LPP: variants seen among roughly 807,000 people sequenced by gnomAD.
LPP encodes the protein lipoma-preferred partner.
LPP carries 38 observed loss-of-function variants against 60.4 expected under a neutral mutation model. The observed-to-expected ratio is 0.63, with a 90% CI of 0.49 to 0.83. The LOEUF is 0.83. Ranked by LOEUF, LPP falls within the 40% of genes least tolerant of loss-of-function variation. The probability of loss-of-function intolerance (pLI) is 0.00; values close to 1 mark genes in which losing one functional copy is unlikely to be tolerated. For synonymous variants in LPP, 328 were observed against 290.8 expected (o/e 1.13, Z -1.30); for missense variants, 902 against 783.6 (o/e 1.15, Z -1.80).
At chr3:188,855,966 G>A (rs998660177) in intron 9 of LPP, among the ~76,000 whole-genome samples, 1 of 152,142 alleles carries the variant, frequency 6.6e-6, no homozygotes, top group African/African-American at 2.4e-5. Flanking sequence ...GCTGGGGTTG[G>A]TTAGCACTGT....
chr3:188,858,172 C>T (rs1336377420), intron 9 of LPP, among the ~76,000 whole-genome samples: 1 of 152,182 alleles, frequency 6.6e-6, no homozygotes, highest in East Asian at 1.9e-4. Flanking sequence ...AATAAATCTT[C>T]ACATGACTTA....
intron 4 of LPP, among the ~76,000 whole-genome samples, chr3:188,411,710 A>C (rs1784918753): frequency 1.3e-5 from 2 of 152,296 alleles, no homozygotes; most frequent in South Asian, 4.1e-4. Flanking sequence ...AACAAACAAC[A>C]ACCACCCCAC....
In LPP at chr3:188,802,626, T is replaced by C. The variant is rs917293803; in HGVS notation, c.1410+42344T>C. ...GGTGAAACCCCGTCACTACTAAAAATACAAAAATTAGCTGGGTGTGGTGGC... is the reference window on the plus strand; with the variant it reads ...GGTGAAACCCCGTCACTACTAAAAACACAAAAATTAGCTGGGTGTGGTGGC... On this transcript the variant is annotated intron_variant, in intron 9 of 11. Coordinates refer to ENST00000617246, the MANE Select transcript of LPP (RefSeq NM_001375462.1). 5.3e-5 allele frequency among the ~76,000 whole-genome samples: 8 copies of C among 152,056 alleles called. No homozygotes were observed. In the South Asian group the frequency reaches 1.7e-3, roughly 32 times the overall value.
At chr3:188,462,299 G>T (rs1367745884) in intron 4 of LPP, among the ~76,000 whole-genome samples, 1 of 151,300 alleles carries the variant, frequency 6.6e-6, no homozygotes, top group African/African-American at 2.4e-5. Flanking sequence ...ACTAACTAAT[G>T]TAGCTAATGA....
intron 3 of LPP, among the ~76,000 whole-genome samples, chr3:188,372,256 T>C (rs1245726744): frequency 6.6e-6 from 1 of 152,152 alleles, no homozygotes; most frequent in Non-Finnish European, 1.5e-5. Context: ...CGTAGTATCA[T>C]GACCCTTTTT....
intron 5 of LPP, among the ~76,000 whole-genome samples, chr3:188,518,108 C>G (rs115037429): frequency 0.011 from 1,614 of 152,232 alleles, 11 homozygotes; most frequent in Non-Finnish European, 0.018. Flanking sequence ...GAACCATGAG[C>G]CAAATAAACC....
intron 6 of LPP, among the ~76,000 whole-genome samples, chr3:188,531,559 A>G: frequency 6.6e-6 from 1 of 152,132 alleles, no homozygotes; most frequent in Non-Finnish European, 1.5e-5. Context: ...TGAATGAATA[A>G]CAAATCATGC....
intron 4 of LPP, among the ~76,000 whole-genome samples, chr3:188,434,362 CT>C (rs1791782605): frequency 2.0e-5 from 3 of 151,804 alleles, no homozygotes; most frequent in Admixed American, 2.0e-4. Flanking sequence ...CTAATGTTTT[CT>C]ATTCAATTTC....
chr3:188,331,442 G>A (rs947132692), intron 2 of LPP, among the ~76,000 whole-genome samples: 2 of 152,080 alleles, frequency 1.3e-5, no homozygotes, highest in Non-Finnish European at 2.9e-5. Flanking sequence ...CATGTTTAAT[G>A]TTTTCCCTTG....
At chr3:188,646,047 C>T (rs1222810356) in intron 7 of LPP, among the ~76,000 whole-genome samples, 1 of 151,990 alleles carries the variant, frequency 6.6e-6, no homozygotes, top group Non-Finnish European at 1.5e-5. Context: ...AGATTTCTTC[C>T]GATTTTGACA....
intron 9 of LPP, among the ~76,000 whole-genome samples, chr3:188,801,685 C>T (rs1288802521): frequency 1.3e-5 from 2 of 152,174 alleles, no homozygotes; most frequent in Non-Finnish European, 2.9e-5. Flanking sequence ...GTACAGTGCA[C>T]TTTTCCCCAC....
chr3:188,516,124 T>C (rs2150086199), intron 5 of LPP, among the ~76,000 whole-genome samples: 2 of 152,292 alleles, frequency 1.3e-5, no homozygotes, highest in South Asian at 4.1e-4. Context: ...AGTGGGTTAT[T>C]TGTAAGTCCT....
chr3:188,188,901 A>G (rs895813265), intron 1 of LPP, among the ~76,000 whole-genome samples: 4 of 152,138 alleles, frequency 2.6e-5, no homozygotes, highest in African/African-American at 9.7e-5. Context: ...AAGCTTAACA[A>G]TTCATAGATG....
At chr3:188,728,050 G>A (rs891701032) in intron 8 of LPP, among the ~76,000 whole-genome samples, 4 of 152,074 alleles carry the variant, frequency 2.6e-5, no homozygotes, top group Non-Finnish European at 5.9e-5. Flanking sequence ...TTGGTTCTCA[G>A]CATAAAGACT....
chr3:188,456,656 G>A (rs779249178), intron 4 of LPP, among the ~76,000 whole-genome samples: 6 of 152,172 alleles, frequency 3.9e-5, no homozygotes, highest in Non-Finnish European at 8.8e-5. Context: ...GCCACTGATG[G>A]CAGAGTCAAC....
At chr3:188,679,567 G>A (rs886443267) in intron 7 of LPP, among the ~76,000 whole-genome samples, 6 of 150,416 alleles carry the variant, frequency 4.0e-5, no homozygotes, top group Non-Finnish European at 7.4e-5. Context: ...GTGTGTGCGC[G>A]CGCGCATGTT....
chr3:188,827,958 C>T (rs192092396), intron 9 of LPP, among the ~76,000 whole-genome samples: 1 of 152,246 alleles, frequency 6.6e-6, no homozygotes, highest in East Asian at 1.9e-4. Context: ...CATCTCATCC[C>T]TCTTCTAAAT....
At chr3:188,205,686 T>G (rs1198004371) in intron 1 of LPP, among the ~76,000 whole-genome samples, 1 of 152,194 alleles carries the variant, frequency 6.6e-6, no homozygotes, top group African/African-American at 2.4e-5. Context: ...AATGCAGAGC[T>G]GCTTGTTAAG....
chr3:188,308,554 C>G (rs142267759), intron 2 of LPP, among the ~76,000 whole-genome samples: 1 of 152,050 alleles, frequency 6.6e-6, no homozygotes, highest in East Asian at 1.9e-4. Context: ...GCCCAGGCAC[C>G]GAACAATCGA....
Sources: allele counts gnomAD v4.1 joint callset (sites outside exome capture counted in the v4.1 genomes callset), GRCh38; gene constraint gnomAD v4.1.1; transcripts MANE v1.5; gene names NCBI Gene and HGNC (gene_info 2026-07-23, HGNC 2026-07-21).